TXNDC12: variants seen among roughly 807,000 people sequenced by gnomAD.
TXNDC12 encodes thioredoxin domain-containing protein 12.
TXNDC12 carries 22 observed loss-of-function variants against 24.2 expected under a neutral mutation model. The observed-to-expected ratio is 0.91, with a 90% CI of 0.65 to 1.30. TXNDC12 has a LOEUF of 1.30. Ranked by LOEUF, TXNDC12 falls within the 50% of genes most tolerant of loss-of-function variation. TXNDC12 has a pLI of 0.00. For synonymous variants in TXNDC12, 58 were observed against 73.4 expected, an observed-to-expected ratio of 0.79 and a Z score of 1.07; for missense variants, 184 against 205.8, an observed-to-expected ratio of 0.89 and a Z score of 0.65.
intron 1 of TXNDC12, 44 bp downstream of exon 1, chr1:52,054,956 G>T: frequency 7.1e-7 from 1 of 1,409,440 alleles, no homozygotes; most frequent in South Asian, 1.2e-5. Context: ...ACTGGGATCA[G>T]TATAGTAAAG....
chr1:52,028,484 T>C, intron 3 of TXNDC12, 94 bp downstream of exon 3: 1 of 941,062 alleles, frequency 1.1e-6, no homozygotes, highest in Non-Finnish European at 1.7e-6. Context: ...AAACAGTCAG[T>C]AGTGCTGGGC....
chr1:52,027,440 GT>G, intron 3 of TXNDC12, 92 bp from the exon 4 acceptor site: 1 of 1,011,966 alleles, frequency 9.9e-7, no homozygotes, highest in Non-Finnish European at 1.5e-6. Context: ...CTCTTTGGTA[GT>G]TTAGGCATTT....
chr1:52,047,370 C>G (rs1427306336), intron 1 of TXNDC12, among the ~76,000 whole-genome samples: 1 of 151,998 alleles, frequency 6.6e-6, no homozygotes, highest in African/African-American at 2.4e-5. Flanking sequence ...AGAGCAAGGA[C>G]TATGGAAGAA....
intron 6 of TXNDC12, among the ~76,000 whole-genome samples, chr1:52,021,398 C>A (rs879571079): frequency 2.0e-5 from 3 of 151,686 alleles, no homozygotes; most frequent in South Asian, 4.2e-4. Flanking sequence ...ACCTTCCTAC[C>A]GTCCCCATTG....
chr1:52,048,005 A>G (rs1686128688), intron 1 of TXNDC12, among the ~76,000 whole-genome samples: 1 of 152,228 alleles, frequency 6.6e-6, no homozygotes, highest in Non-Finnish European at 1.5e-5. Context: ...GAAAGGGCAA[A>G]AAGAAAAAAA....
chr1:52,033,670 G>T (rs755822233), intron 2 of TXNDC12: 2 of 1,611,014 alleles, frequency 1.2e-6, no homozygotes, highest in South Asian at 1.1e-5. Flanking sequence ...CACGTACACC[G>T]CGCGGCCCTC....
chr1:52,055,110 C>CG lies in TXNDC12; in HGVS notation c.-15dup, dbSNP rs759487783. 1.3e-6 allele frequency: 2 copies of CG among 1,598,214 alleles called. No individual in the cohort carries two copies. The highest frequency in any genetic ancestry group is 1.7e-6 in the Non-Finnish European group (2 of 1,166,042). On this transcript the variant is annotated 5_prime_UTR_variant, in exon 1 of 7. Transcript: ENST00000371626. ...CCGCGTCTCCATGGCAGTAGGTGCG[C>CG]GGGGCCACGGGGCTGAGCGGACGCA...
Position 52,027,356 on chromosome 1 carries a change from G to A in TXNDC12, c.212-8C>T. The A allele has an allele frequency of 6.2e-7, 1 of 1,604,088 alleles. No individual in the cohort carries two copies. The highest frequency in any genetic ancestry group is 8.5e-7 in the Non-Finnish European group (1 of 1,172,218). On this transcript the variant is annotated splice_region_variant and splice_polypyrimidine_tract_variant and intron_variant, in intron 3 of 6. Coordinates refer to ENST00000371626, the MANE Select transcript of TXNDC12 (RefSeq NM_015913.4). Reference sequence around the variant, plus strand: ...CAAATTTGGGCTTTAGAGCTGGGGGGAAAAAGATTTTGGAATAGAAGAAAA... The same window carrying A: ...CAAATTTGGGCTTTAGAGCTGGGGGAAAAAAGATTTTGGAATAGAAGAAAA...
intron 2 of TXNDC12, chr1:52,033,379 C>G (rs369476407): frequency 8.7e-6 from 14 of 1,613,644 alleles, no homozygotes; most frequent in Non-Finnish European, 1.2e-5. Flanking sequence ...ACTGACGTTC[C>G]GGCCAGGGTT....
At chr1:52,021,892 G>A (rs1249135268) in intron 6 of TXNDC12, among the ~76,000 whole-genome samples, 2 of 152,294 alleles carry the variant, frequency 1.3e-5, no homozygotes, top group Non-Finnish European at 2.9e-5. Context: ...CATGTCAGCT[G>A]AGAGATGGAG....
chr1:52,045,326 T>C (rs556204831), intron 1 of TXNDC12, among the ~76,000 whole-genome samples: 1 of 152,180 alleles, frequency 6.6e-6, no homozygotes, highest in Non-Finnish European at 1.5e-5. Context: ...TAATGGTGGA[T>C]ACATACTGTT....
intron 5 of TXNDC12, among the ~76,000 whole-genome samples, chr1:52,024,142 G>A (rs542587983): frequency 6.6e-4 from 100 of 152,010 alleles, no homozygotes; most frequent in Middle Eastern, 3.4e-3. Flanking sequence ...CTACAGGTGC[G>A]TGCCACCACA....
intron 2 of TXNDC12, chr1:52,032,701 T>G: frequency 6.2e-7 from 1 of 1,603,608 alleles, no homozygotes; most frequent in Non-Finnish European, 8.5e-7. Context: ...CTCTGGTCAG[T>G]GCAGGCTCTG....
At chr1:52,031,750 A>T (rs977426726) in intron 2 of TXNDC12, among the ~76,000 whole-genome samples, 8 of 152,160 alleles carry the variant, frequency 5.3e-5, no homozygotes, top group African/African-American at 1.9e-4. Flanking sequence ...AAGTGCTGGG[A>T]TTACAAGTAT....
rs543141014 is a variant in TXNDC12, at chr1:52,045,480, G to A, written c.98-3883C>T. Among the ~76,000 whole-genome samples the A allele has an allele frequency of 1.4e-4, 21 of 152,254 alleles. No individual in the cohort carries two copies. In the South Asian group the frequency reaches 1.5e-3, roughly 11 times the overall value. On this transcript the variant is annotated intron_variant, in intron 1 of 6. Coordinates refer to ENST00000371626, the MANE Select transcript of TXNDC12 (RefSeq NM_015913.4). The stretch of plus-strand genomic sequence containing the variant: ...ATTAGGACACAGACAAACTTAAAGG[G>A]AAGATCATGTGAAGACATAGAAGAC...
intron 1 of TXNDC12, among the ~76,000 whole-genome samples, chr1:52,054,582 C>A (rs1488054327): frequency 6.6e-6 from 1 of 152,218 alleles, no homozygotes; most frequent in Non-Finnish European, 1.5e-5. Context: ...TGGCAGTAAC[C>A]TAGCTCTTCG....
At chr1:52,028,447 A>G in intron 3 of TXNDC12, 131 bp downstream of exon 3, 1 of 687,774 alleles carries the variant, frequency 1.5e-6, no homozygotes, top group African/African-American at 1.9e-5. Context: ...CAGGAAATCT[A>G]TGTCATATGT....
intron 2 of TXNDC12, chr1:52,032,624 G>A (rs1685784529): frequency 2.0e-6 from 3 of 1,525,910 alleles, no homozygotes; most frequent in Non-Finnish European, 2.6e-6. Context: ...CTGGAGACCT[G>A]CAGCCTATTT....
chr1:52,038,158 A>G (rs1685918873), intron 2 of TXNDC12, among the ~76,000 whole-genome samples: 1 of 151,872 alleles, frequency 6.6e-6, no homozygotes, highest in Non-Finnish European at 1.5e-5. Context: ...CTTACTATTA[A>G]TGTCCTTTGT....
Sources: gnomAD v4.1 joint callset for allele counts (sites outside exome capture counted in the v4.1 genomes callset) on GRCh38, gnomAD v4.1.1 for gene constraint, MANE v1.5 for transcripts, NCBI Gene and HGNC (gene_info 2026-07-23, HGNC 2026-07-21) for gene names.